The following ICA1 variants were observed in gnomAD, a reference collection of about 807,000 sequenced individuals.
The protein encoded by ICA1 is 69 kDa islet cell autoantigen.
In ICA1, 40 loss-of-function variants were observed where a neutral mutation model predicts 71.0. The ratio of observed to expected loss-of-function variants is 0.56; its 90% CI spans 0.44 to 0.73. The LOEUF is 0.73. Among genes scored for constraint, ICA1 ranks in the 30% least tolerant of loss-of-function variants. The pLI, the probability that ICA1 is intolerant of heterozygous loss-of-function variation, is 0.00. For synonymous variants in ICA1, 207 were observed against 209.5 expected, an observed-to-expected ratio of 0.99 and a Z score of 0.10; for missense variants, 578 against 576.5, an observed-to-expected ratio of 1.00 and a Z score of -0.03.
intron 6 of ICA1, among the ~76,000 whole-genome samples, chr7:8,176,879 C>T (rs544362019): frequency 7.2e-5 from 11 of 152,282 alleles, no homozygotes; most frequent in South Asian, 2.1e-4. Context: ...AAGCAGGTTT[C>T]GGAAACATTA....
chr7:8,261,852 C>G (rs893156843), intron 1 of ICA1: 1 of 152,284 alleles, frequency 6.6e-6, no homozygotes, highest in Non-Finnish European at 1.5e-5. Context: ...CACGCTCTCA[C>G]GGCGCGCGCA....
intron 13 of ICA1, among the ~76,000 whole-genome samples, chr7:8,117,060 C>T (rs533027543): frequency 2.0e-5 from 3 of 152,124 alleles, no homozygotes; most frequent in Non-Finnish European, 2.9e-5. Context: ...AGTGAATTCT[C>T]GCGAGATCTG....
intron 4 of ICA1, among the ~76,000 whole-genome samples, chr7:8,224,987 A>G (rs998420764): frequency 6.6e-6 from 1 of 152,202 alleles, no homozygotes; most frequent in African/African-American, 2.4e-5. Flanking sequence ...ATCACTCATG[A>G]TGTCAAGCTC....
At chr7:8,179,094 G>C (rs1027429450) in intron 6 of ICA1, among the ~76,000 whole-genome samples, 1 of 152,156 alleles carries the variant, frequency 6.6e-6, no homozygotes, top group African/African-American at 2.4e-5. Flanking sequence ...GGATGACTGA[G>C]ATGTCCACAT....
intron 6 of ICA1, among the ~76,000 whole-genome samples, chr7:8,188,227 C>CT (rs1430000071): frequency 3.6e-4 from 55 of 152,160 alleles, no homozygotes; most frequent in African/African-American, 1.3e-3. Flanking sequence ...AAATAAGATA[C>CT]TTTGAGAGTA....
At chr7:8,160,851 G>A (rs1803506763) in intron 6 of ICA1, among the ~76,000 whole-genome samples, 1 of 152,196 alleles carries the variant, frequency 6.6e-6, no homozygotes, top group South Asian at 2.1e-4. Flanking sequence ...AGTCTAGGAT[G>A]AGTAAGTGTT....
At chr7:8,120,310 C>T (rs987480896) in intron 13 of ICA1, among the ~76,000 whole-genome samples, 2 of 152,182 alleles carry the variant, frequency 1.3e-5, no homozygotes, top group African/African-American at 4.8e-5. Flanking sequence ...ATGACACCGA[C>T]TATTTATGGG....
At chr7:8,117,141 T>G (rs60113150) in intron 13 of ICA1, among the ~76,000 whole-genome samples, 1,805 of 152,320 alleles carry the variant, frequency 0.012, 37 homozygotes, top group African/African-American at 0.041. Context: ...AAGAACATAC[T>G]TTGCTTCCCC....
chr7:8,127,613 A>C lies in ICA1; in HGVS notation c.1330+260T>G, dbSNP rs554072749. On this transcript the variant is annotated intron_variant, in intron 13 of 13. Coordinates refer to ENST00000402384, the MANE Select transcript of ICA1 (RefSeq NM_001136020.3). ...TGATCCTCTCAAGTATGCCACAAGAAGTCTAAAATCAAAGGATGACAATAT... is the reference window on the plus strand; with the variant it reads ...TGATCCTCTCAAGTATGCCACAAGACGTCTAAAATCAAAGGATGACAATAT... Among the ~76,000 whole-genome samples, 5 of 152,274 alleles carry C rather than the reference A, an allele frequency of 3.3e-5. No individual in the cohort carries two copies. The South Asian group carries it at 1.0e-3, about 32-fold the overall frequency.
intron 1 of ICA1, among the ~76,000 whole-genome samples, chr7:8,249,594 G>T (rs1303336947): frequency 6.6e-6 from 1 of 152,160 alleles, no homozygotes; most frequent in Non-Finnish European, 1.5e-5. Context: ...TTGGAAGCTG[G>T]TGACATGTCT....
chr7:8,161,139 T>A (rs897417520), intron 6 of ICA1, among the ~76,000 whole-genome samples: 1 of 152,190 alleles, frequency 6.6e-6, no homozygotes, highest in African/African-American at 2.4e-5. Flanking sequence ...CTGGTGTGTG[T>A]CAGGACCAAC....
intron 6 of ICA1, among the ~76,000 whole-genome samples, chr7:8,175,370 A>G (rs530809081): frequency 1.3e-5 from 2 of 152,338 alleles, no homozygotes; most frequent in South Asian, 2.1e-4. Flanking sequence ...CCTCCTAAAC[A>G]TTCATTTTAA....
At chr7:8,252,046 T>C (rs149757567) in intron 1 of ICA1, among the ~76,000 whole-genome samples, 2 of 152,078 alleles carry the variant, frequency 1.3e-5, no homozygotes, top group Non-Finnish European at 2.9e-5. Flanking sequence ...ATATAAAGTG[T>C]AAAACAACAC....
intron 1 of ICA1, among the ~76,000 whole-genome samples, chr7:8,241,525 C>G (rs951390501): frequency 1.4e-5 from 2 of 138,486 alleles, no homozygotes; most frequent in East Asian, 4.3e-4. Flanking sequence ...GCAAAATAAC[C>G]AGCTAACATC....
At chr7:8,175,331 G>T (rs1267976270) in intron 6 of ICA1, among the ~76,000 whole-genome samples, 1 of 152,136 alleles carries the variant, frequency 6.6e-6, no homozygotes, top group African/African-American at 2.4e-5. Context: ...CAAAAACAAG[G>T]AAGATGTGGT....
At chr7:8,126,415 G>A (rs1562535880) in intron 13 of ICA1, among the ~76,000 whole-genome samples, 1 of 152,128 alleles carries the variant, frequency 6.6e-6, no homozygotes, top group Non-Finnish European at 1.5e-5. Flanking sequence ...GTGAAACTCA[G>A]GGTGGAGAAA....
intron 6 of ICA1, among the ~76,000 whole-genome samples, chr7:8,189,730 G>A (rs371511033): frequency 2.0e-5 from 3 of 152,142 alleles, no homozygotes; most frequent in South Asian, 4.2e-4. Flanking sequence ...CTCTGCAAGG[G>A]GGGTAGGCAG....
intron 1 of ICA1, among the ~76,000 whole-genome samples, chr7:8,255,990 G>C (rs897659556): frequency 1.3e-5 from 2 of 151,440 alleles, no homozygotes; most frequent in African/African-American, 4.9e-5. Context: ...GCCCAGGCTG[G>C]TCTCAAACAC....
At chr7:8,193,474 T>C (rs56329834) in intron 6 of ICA1, among the ~76,000 whole-genome samples, 2,145 of 152,324 alleles carry the variant, frequency 0.014, 53 homozygotes, top group African/African-American at 0.048. Flanking sequence ...TGCTAACCTA[T>C]GCTTCTGCAA....
Sources: gnomAD v4.1 joint callset for allele counts (sites outside exome capture counted in the v4.1 genomes callset) on GRCh38, gnomAD v4.1.1 for gene constraint, MANE v1.5 for transcripts, NCBI Gene and HGNC (gene_info 2026-07-23, HGNC 2026-07-21) for gene names.